Variants in ID4 observed in about 807,000 individuals in gnomAD.
ID4 encodes DNA-binding protein inhibitor ID-4.
Under a neutral mutation model 8.6 loss-of-function variants are expected in ID4, and 9 were observed. The ratio of observed to expected loss-of-function variants is 1.04; its 90% CI spans 0.63 to 1.82. The LOEUF (loss-of-function observed/expected upper bound fraction) is 1.82. Among genes scored for constraint, ID4 ranks in the 40% most tolerant of loss-of-function variants. The probability of loss-of-function intolerance (pLI) is 0.00; values close to 1 mark genes in which losing one functional copy is unlikely to be tolerated. For missense variants in ID4, 270 were observed against 235.1 expected (o/e 1.15, Z -0.97); for synonymous variants, 180 against 118.0 (o/e 1.53, Z -3.41).
chr6:19,839,614 ATAT>A lies in ID4; in HGVS notation c.*421_*423del, dbSNP rs1761314031. 1 of 142,150 alleles carries A rather than the reference ATAT, an allele frequency of 7.0e-6. No individual in the cohort carries two copies. The highest frequency in any genetic ancestry group is 2.6e-5 in the African/African-American group (1 of 38,714). The allele number at this position is 142,150 out of a possible 1,614,324, so 8.8% of individuals were successfully genotyped here. A position where few individuals can be genotyped will look rare whatever the true frequency, so the allele number is the denominator to read the frequency against. ...TTACTAATCTACCAGAGCATTGTAG[ATAT>A]TTTTTTTTTACATCTATTGTTTAAA... On this transcript the variant is annotated 3_prime_UTR_variant, in exon 3 of 3. Transcript: ENST00000378700.
chr6:19,838,498 C>T (rs544681299), intron 1 of ID4, 86 bp from the exon 2 acceptor site: 10 of 1,574,756 alleles, frequency 6.4e-6, no homozygotes, highest in African/African-American at 4.0e-5. Flanking sequence ...GCGCGCCAGC[C>T]TGATTTCCGA....
rs1761309476 is a variant in ID4, at chr6:19,839,405, C to T, written c.*210C>T. 1 of 152,638 alleles carries T rather than the reference C, an allele frequency of 6.6e-6. No homozygotes were observed. Among genetic ancestry groups the T allele is most frequent in the South Asian group, 2.1e-4 (1 of 4,826 alleles). 9.5% of individuals were successfully genotyped at this position (152,638 alleles called of 1,614,324 possible). ...TCTTTGCACGTTCATAAACATTCTA[C>T]ATACGTATTCTCTTTTGTCTCTTCA... On this transcript the variant is annotated 3_prime_UTR_variant, in exon 3 of 3. Transcript: ENST00000378700.
rs753111310 is a variant in ID4, at chr6:19,838,171, G to A, written c.417G>A (p.Pro139=). Residue 139 remains proline, a synonymous_variant, in exon 1 of 3, where the codon CCG becomes CCA. Transcript: ENST00000378700. ...GTCPAAPPRT[P]LTALNTDPAG... is the part of the protein sequence containing the mutation. ...GTCCAGCCGCGCCGCCGCGGACCCC[G>A]CTCACTGCGCTCAACACCGACCCGG... 36 of 1,490,388 alleles carry A rather than the reference G, an allele frequency of 2.4e-5. No individual in the cohort carries two copies. In the East Asian group the frequency reaches 7.4e-4, roughly 31 times the overall value. 92.3% of individuals were successfully genotyped at this position (1,490,388 alleles called of 1,614,324 possible).
rs1761337184 is a variant in ID4, at chr6:19,840,462, CAGTG to C, written c.*1268_*1271del. 1 of 148,872 alleles carries C rather than the reference CAGTG, an allele frequency of 6.7e-6. No homozygotes were observed. Among genetic ancestry groups the C allele is most frequent in the African/African-American group, 2.4e-5 (1 of 40,888 alleles). 9.2% of individuals were successfully genotyped at this position (148,872 alleles called of 1,614,324 possible). A position where few individuals can be genotyped will look rare whatever the true frequency, so the allele number is the denominator to read the frequency against. On this transcript the variant is annotated 3_prime_UTR_variant, in exon 3 of 3. Coordinates refer to ENST00000378700, the MANE Select transcript of ID4 (RefSeq NM_001546.4). Reference sequence around the variant, plus strand: ...CTTCCTCCAAAGAATTAATAGGCAACAGTGGGAGAAAAAAAAGGCATAATGGCAA... The same window carrying C: ...CTTCCTCCAAAGAATTAATAGGCAACGGAGAAAAAAAAGGCATAATGGCAA...
At chr6:19,838,870 C>T (rs1271655748) in intron 2 of ID4, 8 of 558,332 alleles carry the variant, frequency 1.4e-5, no homozygotes, top group South Asian at 2.1e-5. Flanking sequence ...TTGTCCCCGC[C>T]GTCCCCGTGT....
chr6:19,838,811 A>G (rs1306679734), intron 2 of ID4, 169 bp downstream of exon 2: 1 of 602,976 alleles, frequency 1.7e-6, no homozygotes, highest in Non-Finnish European at 2.9e-6. Flanking sequence ...GTAAACCCGT[A>G]CTTAGCCTTA....
rs1561854765 is a variant in ID4 at position 19,840,345 on chromosome 6, C to T, written c.*1150C>T. 6.6e-6 allele frequency: 1 copy of T among 152,458 alleles called. No individual in the cohort carries two copies. The highest frequency in any genetic ancestry group is 1.5e-5 in the Non-Finnish European group (1 of 67,998). 9.4% of individuals were successfully genotyped at this position (152,458 alleles called of 1,614,324 possible). A position where few individuals can be genotyped will look rare whatever the true frequency, so the allele number is the denominator to read the frequency against. On this transcript the variant is annotated 3_prime_UTR_variant, in exon 3 of 3. Coordinates refer to ENST00000378700, the MANE Select transcript of ID4 (RefSeq NM_001546.4). ...AGCTTAATGTCACTAAGTTTCATGT[C>T]TGTACAGATTATTTAAATCATGGAA...
At position 19,840,010 on chromosome 6, in the gene ID4, ATG is replaced by A. The variant is rs1761325238; in HGVS notation, c.*816_*817del. 6.6e-6 allele frequency: 1 copy of A among 152,544 alleles called. No homozygotes were observed. The highest frequency in any genetic ancestry group is 2.1e-4 in the South Asian group (1 of 4,824). 9.4% of individuals were successfully genotyped at this position (152,544 alleles called of 1,614,324 possible). A position where few individuals can be genotyped will look rare whatever the true frequency, so the allele number is the denominator to read the frequency against. On this transcript the variant is annotated 3_prime_UTR_variant, in exon 3 of 3. Coordinates refer to ENST00000378700, the MANE Select transcript of ID4 (RefSeq NM_001546.4). ...ATAGCTAGTGGTCTTGCATGATTGC[ATG>A]AGATGTTTAATCACAAATTAAACTT...
chr6:19,841,277 C>G lies in ID4; in HGVS notation c.*2082C>G, dbSNP rs907184647. Among the ~76,000 whole-genome samples the G allele has an allele frequency of 6.6e-6, 1 of 152,114 alleles. No individual in the cohort carries two copies. The highest frequency in any genetic ancestry group is 1.5e-5 in the Non-Finnish European group (1 of 68,008). ...ATTTTTATTTTTGATATTATTCATTCTTGTCACACATCAAGAAGAAAACAC... is the reference window on the plus strand; with the variant it reads ...ATTTTTATTTTTGATATTATTCATTGTTGTCACACATCAAGAAGAAAACAC... On this transcript the variant is annotated 3_prime_UTR_variant, in exon 3 of 3. Transcript: ENST00000378700.
Position 19,839,230 on chromosome 6 carries a change from G to C in ID4, c.*35G>C, listed in dbSNP as rs1761304893. 2 of 152,918 alleles carry C rather than the reference G, an allele frequency of 1.3e-5. No individual in the cohort carries two copies. The highest frequency in any genetic ancestry group is 1.3e-4 in the Admixed American group (2 of 15,370). 9.5% of individuals were successfully genotyped at this position (152,918 alleles called of 1,614,324 possible). A position where few individuals can be genotyped will look rare whatever the true frequency, so the allele number is the denominator to read the frequency against. On this transcript the variant is annotated 3_prime_UTR_variant, in exon 3 of 3. Transcript: ENST00000378700. ...CACAGGTGTGCGGCCGCCTGAGCCC[G>C]AGCCAGGAGCACTAGAGAGGGAGGG...
chr6:19,839,772 TTTAA>T lies in ID4; in HGVS notation c.*579_*582del, dbSNP rs1262256522. 6.6e-6 allele frequency: 1 copy of T among 152,546 alleles called. No homozygotes were observed. The highest frequency in any genetic ancestry group is 1.5e-5 in the Non-Finnish European group (1 of 68,028). The allele number at this position is 152,546 out of a possible 1,614,324, so 9.4% of individuals were successfully genotyped here. On this transcript the variant is annotated 3_prime_UTR_variant, in exon 3 of 3. Transcript: ENST00000378700. ...TCTATAAGTGTGAGAAAGTATATGCTTTAATAGATACTGTAATTATAAGATATTT... is the reference window on the plus strand; with the variant it reads ...TCTATAAGTGTGAGAAAGTATATGCTTAGATACTGTAATTATAAGATATTT...
In ID4 at chr6:19,839,814, T is replaced by G. The variant is rs1031830401; in HGVS notation, c.*619T>G. 1 of 151,908 alleles carries G rather than the reference T, an allele frequency of 6.6e-6. No homozygotes were observed. 9.4% of individuals were successfully genotyped at this position (151,908 alleles called of 1,614,324 possible). On this transcript the variant is annotated 3_prime_UTR_variant, in exon 3 of 3. Coordinates refer to ENST00000378700, the MANE Select transcript of ID4 (RefSeq NM_001546.4). The stretch of plus-strand genomic sequence containing the variant: ...TTATAAGATATTTTTAATTAAATAT[T>G]TTTTTGTAAATATTATGTGTGTGTT...
chr6:19,837,840 C>G lies in ID4; in HGVS notation c.86C>G (p.Ala29Gly). 1 of 1,171,766 alleles carries G rather than the reference C, an allele frequency of 8.5e-7. No individual in the cohort carries two copies. The allele number at this position is 1,171,766 out of a possible 1,614,324, so 72.6% of individuals were successfully genotyped here. The change falls in exon 1 of 3, where the codon GCC (alanine) becomes GGC (glycine). Residue 29 changes from alanine to glycine, a missense_variant. Physicochemically the swap from Ala to Gly is moderately conservative, Grantham distance 60. Transcript: ENST00000378700. ...GGGGAGCTGGCGCTGCGCTGCCTGGCCGAGCACGGCCACAGCCTGGGTGGC... is the reference window on the plus strand; with the variant it reads ...GGGGAGCTGGCGCTGCGCTGCCTGGGCGAGCACGGCCACAGCCTGGGTGGC... Reference protein sequence around the residue: ...GGGELALRCLAEHGHSLGGSA... With the variant: ...GGGELALRCLGEHGHSLGGSA...
chr6:19,838,440 C>G, intron 1 of ID4, 144 bp from the exon 2 acceptor site: 1 of 1,189,270 alleles, frequency 8.4e-7, no homozygotes, highest in Non-Finnish European at 1.2e-6. Context: ...CAAGTCCCGC[C>G]TGAGCCCGGA....
At position 19,838,569 on chromosome 6, in the gene ID4, C is replaced by A. The variant is rs372252236; in HGVS notation, c.442-15C>A. The A allele has an allele frequency of 1.1e-5, 18 of 1,613,976 alleles. No individual in the cohort carries two copies. Among genetic ancestry groups the A allele is most frequent in the Admixed American group, 5.0e-5 (3 of 60,030 alleles). Reference sequence around the variant, plus strand: ...GCCTGCTAACCTTTCCCTTGGTGTTCGGTTGCTGTTCCAGGCCGGCGCGGT... The same window carrying A: ...GCCTGCTAACCTTTCCCTTGGTGTTAGGTTGCTGTTCCAGGCCGGCGCGGT... On this transcript the variant is annotated splice_polypyrimidine_tract_variant and intron_variant, in intron 1 of 2. Coordinates refer to ENST00000378700, the MANE Select transcript of ID4 (RefSeq NM_001546.4).
chr6:19,838,392 G>A (rs1048938647), intron 1 of ID4, among the ~76,000 whole-genome samples, 192 bp from the exon 2 acceptor site: 1 of 152,114 alleles, frequency 6.6e-6, no homozygotes, highest in Non-Finnish European at 1.5e-5. Flanking sequence ...GGGAGAACGC[G>A]CAGGGCGGGA....
rs960458399 is a variant in ID4, at chr6:19,840,521, T to C, written c.*1326T>C. 8 of 152,612 alleles carry C rather than the reference T, an allele frequency of 5.2e-5. No homozygotes were observed. The highest frequency in any genetic ancestry group is 1.7e-4 in the African/African-American group (7 of 41,456). 9.5% of individuals were successfully genotyped at this position (152,612 alleles called of 1,614,324 possible). A position where few individuals can be genotyped will look rare whatever the true frequency, so the allele number is the denominator to read the frequency against. On this transcript the variant is annotated 3_prime_UTR_variant, in exon 3 of 3. Coordinates refer to ENST00000378700, the MANE Select transcript of ID4 (RefSeq NM_001546.4). ...TTCAAGCAGGGATAAAAGTCGATCT[T>C]CAAACATTAACTTAAGCAGACCAAA...
Position 19,840,100 on chromosome 6 carries a change from A to G in ID4, c.*905A>G, listed in dbSNP as rs976843600. The G allele has an allele frequency of 3.3e-5, 5 of 152,610 alleles. No individual in the cohort carries two copies. The highest frequency in any genetic ancestry group is 5.9e-5 in the Non-Finnish European group (4 of 68,024). The allele number at this position is 152,610 out of a possible 1,614,324, so 9.5% of individuals were successfully genotyped here. A position where few individuals can be genotyped will look rare whatever the true frequency, so the allele number is the denominator to read the frequency against. On this transcript the variant is annotated 3_prime_UTR_variant, in exon 3 of 3. Coordinates refer to ENST00000378700, the MANE Select transcript of ID4 (RefSeq NM_001546.4). Reference sequence around the variant, plus strand: ...ATTGAAATCTTTGTATTTGAAGCATACATGTTGAAAATACACCTTATCAGT... The same window carrying G: ...ATTGAAATCTTTGTATTTGAAGCATGCATGTTGAAAATACACCTTATCAGT...
In ID4 at chr6:19,837,913, C is replaced by G. The variant is rs1411217013; in HGVS notation, c.159C>G (p.Ala53=). Reference sequence around the variant, plus strand: ...CGGCGGCAGCGCGCTGTAAGGCGGCCGAGGCGGCGGCCGACGAGCCGGCGC... The same window carrying G: ...CGGCGGCAGCGCGCTGTAAGGCGGCGGAGGCGGCGGCCGACGAGCCGGCGC... ...AAAAAARCKA[A]EAAADEPALC... Residue 53 remains alanine (A), a synonymous_variant, in exon 1 of 3, where the codon GCC becomes GCG. Coordinates refer to ENST00000378700, the MANE Select transcript of ID4 (RefSeq NM_001546.4). 5 of 1,420,234 alleles carry G rather than the reference C, an allele frequency of 3.5e-6. No individual in the cohort carries two copies. The highest frequency in any genetic ancestry group is 3.1e-5 in the East Asian group (1 of 32,098). 88.0% of individuals were successfully genotyped at this position (1,420,234 alleles called of 1,614,324 possible).
Sources: allele counts gnomAD v4.1 joint callset (sites outside exome capture counted in the v4.1 genomes callset), GRCh38; gene constraint gnomAD v4.1.1; transcripts MANE v1.5; gene names NCBI Gene and HGNC (gene_info 2026-07-23, HGNC 2026-07-21).